Variants in DCBLD1 observed in about 807,000 individuals in gnomAD.
DCBLD1 encodes discoidin, CUB and LCCL domain containing 1.
DCBLD1 carries 57 observed loss-of-function variants against 71.5 expected under a neutral mutation model. The ratio of observed to expected loss-of-function variants is 0.80; its 90% CI spans 0.64 to 0.99. The LOEUF (loss-of-function observed/expected upper bound fraction) is 0.99, where lower values mean the gene tolerates loss of function less well. Among genes scored for constraint, DCBLD1 ranks in the 50% least tolerant of loss-of-function variants. DCBLD1 has a pLI of 0.00. For synonymous variants in DCBLD1, 380 were observed against 363.8 expected, an observed-to-expected ratio of 1.04 and a Z score of -0.51; for missense variants, 891 against 923.5, an observed-to-expected ratio of 0.96 and a Z score of 0.46.
At chr6:117,552,048 C>T (rs879311842), downstream of DCBLD1, among the ~76,000 whole-genome samples, 6 of 151,994 alleles carry the variant, frequency 3.9e-5, no homozygotes, top group Non-Finnish European at 5.9e-5. Context: ...TGAGCCCAGA[C>T]GGTGGAGGTT....
intron 1 of DCBLD1, among the ~76,000 whole-genome samples, chr6:117,487,820 C>A (rs1777142369): frequency 6.7e-6 from 1 of 149,376 alleles, no homozygotes; most frequent in South Asian, 2.1e-4. Context: ...TTTCATTAGA[C>A]TGAGGAGTAG....
rs968970535 is a variant in DCBLD1 at position 117,504,107 on chromosome 6, TG to T, written c.325+133del. On this transcript the variant is annotated intron_variant, in intron 2 of 14. Coordinates refer to ENST00000338728, the MANE Select transcript of DCBLD1 (RefSeq NM_001366458.2). The stretch of plus-strand genomic sequence containing the variant: ...AGAGAAACTTGCTTCTGTAAATTCT[TG>T]GGGGTAACTTAGAAGGATACATTTG... 1.3e-4 allele frequency: 128 copies of T among 1,002,416 alleles called. 1 individual carries two copies. The highest frequency in any genetic ancestry group is 3.3e-4 in the Middle Eastern group (1 of 3,074). The allele number at this position is 1,002,416 out of a possible 1,614,324, so 62.1% of individuals were successfully genotyped here.
intron 7 of DCBLD1, among the ~76,000 whole-genome samples, chr6:117,537,503 C>T (rs551516364): frequency 5.4e-5 from 8 of 147,798 alleles, no homozygotes; most frequent in East Asian, 2.0e-4. Context: ...CACTGCACTC[C>T]AGCCTGGGTA....
chr6:117,548,991 C>T lies in DCBLD1; in HGVS notation c.*552C>T. 1.0e-6 allele frequency: 1 copy of T among 986,666 alleles called. No individual in the cohort carries two copies. Among genetic ancestry groups the T allele is most frequent in the Non-Finnish European group, 1.2e-6 (1 of 830,844 alleles). The allele number at this position is 986,666 out of a possible 1,614,324, so 61.1% of individuals were successfully genotyped here. ...AACTGAAAGCATTTTTAACATTCTT[C>T]TCCTGGAAGAAATGAATTACTTGAA... is the stretch of plus-strand genomic sequence containing the variant. On this transcript the variant is annotated 3_prime_UTR_variant, in exon 15 of 15. Transcript: ENST00000338728.
intron 2 of DCBLD1, chr6:117,508,079 T>G (rs900146539): frequency 6.6e-6 from 1 of 152,178 alleles, no homozygotes; most frequent in Non-Finnish European, 1.5e-5. Flanking sequence ...CCATGTAATA[T>G]GAAACTTTGA....
At chr6:117,539,225 A>G in intron 8 of DCBLD1, 30 bp from the exon 9 acceptor site, 1 of 1,501,524 alleles carries the variant, frequency 6.7e-7, no homozygotes, top group Non-Finnish European at 8.9e-7. Context: ...AACTTTTAAA[A>G]ATAGCCTGTA....
chr6:117,508,981 G>A lies in DCBLD1; in HGVS notation c.325+5002G>A, dbSNP rs546493039. Among the ~76,000 whole-genome samples the A allele has an allele frequency of 3.3e-5, 5 of 152,256 alleles. No individual in the cohort carries two copies. In the South Asian group the frequency reaches 1.0e-3, roughly 32 times the overall value. ...TTGTTGCTGCATAGATATTACACGT[G>A]TGTTTAAGAGCACAAACTCTGTAAT... On this transcript the variant is annotated intron_variant, in intron 2 of 14. Transcript: ENST00000338728.
At chr6:117,529,453 A>G (rs1395641652) in intron 5 of DCBLD1, among the ~76,000 whole-genome samples, 2 of 152,180 alleles carry the variant, frequency 1.3e-5, no homozygotes, top group Non-Finnish European at 2.9e-5. Flanking sequence ...TATGCTAGGT[A>G]ATATGTACCC....
intron 6 of DCBLD1, among the ~76,000 whole-genome samples, chr6:117,534,930 G>A (rs879694364): frequency 1.6e-4 from 24 of 152,160 alleles, no homozygotes; most frequent in African/African-American, 5.8e-4. Flanking sequence ...TAGATAGAAA[G>A]TTCAGAATTA....
chr6:117,537,029 T>C (rs1208328448), intron 6 of DCBLD1, among the ~76,000 whole-genome samples, 156 bp from the exon 7 acceptor site: 1 of 152,088 alleles, frequency 6.6e-6, no homozygotes, highest in African/African-American at 2.4e-5. Context: ...AAAATACCAG[T>C]GATGAAGATA....
In DCBLD1 at chr6:117,548,367, G is replaced by A. The variant is rs11757765; in HGVS notation, c.2076G>A (p.Thr692=). ...AGAAGCCCCCAACGCATCCCGGGAC[G>A]AGTGACAGCTATTCTGCCCCCAGAG... ...DSQKPPTHPG[T]SDSYSAPRDC... is the part of the protein sequence containing the mutation. Residue 692 remains threonine (T), a synonymous_variant, in exon 15 of 15, where the codon ACG becomes ACA. Transcript: ENST00000338728. 0.034 allele frequency: 52,394 copies of A among 1,550,668 alleles called. 1,025 individuals carry two copies. Among genetic ancestry groups the A allele is most frequent in the Middle Eastern group, 0.046 (274 of 5,992 alleles).
rs1450097046 is a variant in DCBLD1 at position 117,548,319 on chromosome 6, C to T, written c.2028C>T (p.Thr676=). 7 of 1,550,602 alleles carry T rather than the reference C, an allele frequency of 4.5e-6. No homozygotes were observed. In the Admixed American group the frequency reaches 7.8e-5, roughly 17 times the overall value. ...DRPKAVSALA[T]ESGHPDSQKP... Reference sequence around the variant, plus strand: ...CCAAAGCTGTCAGCGCCCTCGCCACCGAAAGCGGGCACCCTGACTCTCAGA... The same window carrying T: ...CCAAAGCTGTCAGCGCCCTCGCCACTGAAAGCGGGCACCCTGACTCTCAGA... Residue 676 remains threonine (T), a synonymous_variant, in exon 15 of 15, where the codon ACC becomes ACT. Transcript: ENST00000338728.
chr6:117,499,416 GAAAA>G (rs140943608), intron 1 of DCBLD1, among the ~76,000 whole-genome samples: 2 of 133,126 alleles, frequency 1.5e-5, no homozygotes, highest in Non-Finnish European at 3.3e-5. Context: ...AAAAGAAAAA[GAAAA>G]AAAAAAGAGA....
rs1249090870 is a variant in DCBLD1 at position 117,532,376 on chromosome 6, T to C, written c.702T>C (p.Asn234=). 6.2e-7 allele frequency: 1 copy of C among 1,610,042 alleles called. No homozygotes were observed. The highest frequency in any genetic ancestry group is 8.5e-7 in the Non-Finnish European group (1 of 1,178,960). The change falls in exon 6 of 15, where the codon AAT becomes AAC. Residue 234 remains asparagine, a synonymous_variant. Transcript: ENST00000338728. ...GISRYEGILA[N]GVLSRDGSLS... ...GTCGATATGAAGGGATTCTGGCCAA[T>C]GGTGTTCTTTCGAGGGAGTAAGTAT... is the stretch of plus-strand genomic sequence containing the variant.
intron 14 of DCBLD1, among the ~76,000 whole-genome samples, chr6:117,558,079 T>C (rs1779518701): frequency 6.6e-6 from 1 of 152,204 alleles, no homozygotes; most frequent in Non-Finnish European, 1.5e-5. Context: ...CAGTAGAGAT[T>C]GCAAAGTCTC....
At chr6:117,540,435 C>A (rs571692475) in intron 9 of DCBLD1, 19 of 476,974 alleles carry the variant, frequency 4.0e-5, no homozygotes, top group African/African-American at 3.3e-4. Flanking sequence ...GCAATTTTAG[C>A]TTCTTTATCC....
rs1777752652 is a variant in DCBLD1 at position 117,503,972 on chromosome 6, T to A, written c.318T>A (p.Asp106Glu). 1 of 1,613,828 alleles carries A rather than the reference T, an allele frequency of 6.2e-7. No homozygotes were observed. Among genetic ancestry groups the A allele is most frequent in the Admixed American group, 1.7e-5 (1 of 60,002 alleles). ...ATCTTCTCTTCACCAGCTCTTCAGA[T>A]CAATATGGTAAGAAAAGAGAACTAG... is the stretch of plus-strand genomic sequence containing the variant. Reference protein sequence around the residue: ...SDYLLFTSSSDQYGPYCGSMT... With the variant: ...SDYLLFTSSSEQYGPYCGSMT... Residue 106 changes from aspartate (D) to glutamate (E), a missense_variant, in exon 2 of 15, where the codon GAT becomes GAA. Asp to Glu is a conservative substitution (Grantham distance 45). Transcript: ENST00000338728.
At chr6:117,558,489 A>G (rs210631) in intron 14 of DCBLD1, among the ~76,000 whole-genome samples, 123,029 of 152,192 alleles carry the variant, frequency 0.81, 50,387 homozygotes, top group African/African-American at 0.95. Context: ...TTTCAGTCCC[A>G]AGTCTCCAAA....
chr6:117,500,745 C>T (rs1318889783), intron 1 of DCBLD1, among the ~76,000 whole-genome samples: 1 of 152,086 alleles, frequency 6.6e-6, no homozygotes, highest in Non-Finnish European at 1.5e-5. Context: ...CACCTGTCGT[C>T]CCACCTACTC....
Sources: gnomAD v4.1 joint callset for allele counts (sites outside exome capture counted in the v4.1 genomes callset) on GRCh38, gnomAD v4.1.1 for gene constraint, MANE v1.5 for transcripts, NCBI Gene and HGNC (gene_info 2026-07-23, HGNC 2026-07-21) for gene names.